ACVR1B: variants seen among roughly 807,000 people sequenced by gnomAD.
ACVR1B encodes the protein activin receptor type-1B.
ACVR1B carries 15 observed loss-of-function variants against 55.6 expected under a neutral mutation model. That is an observed-to-expected ratio of 0.27 (90% confidence interval 0.18 to 0.42). The LOEUF (loss-of-function observed/expected upper bound fraction) is 0.42, where lower values mean the gene tolerates loss of function less well. Ranked by LOEUF, ACVR1B falls within the 10% of genes least tolerant of loss-of-function variation. The pLI, the probability that ACVR1B is intolerant of heterozygous loss-of-function variation, is 1.00. For synonymous variants in ACVR1B, 247 were observed against 254.6 expected (o/e 0.97, Z 0.28); for missense variants, 359 against 670.1 (o/e 0.54, Z 5.13).
intron 1 of ACVR1B, among the ~76,000 whole-genome samples, chr12:51,962,063 TCTAA>T (rs779183525): frequency 3.9e-5 from 6 of 152,360 alleles, no homozygotes; most frequent in African/African-American, 7.2e-5. Context: ...GCTTTCATTC[TCTAA>T]CTGAGACTTA....
intron 6 of ACVR1B, among the ~76,000 whole-genome samples, chr12:51,985,789 G>A (rs1942064767): frequency 6.6e-6 from 1 of 152,164 alleles, no homozygotes; most frequent in Non-Finnish European, 1.5e-5. Flanking sequence ...GAGATTTGGG[G>A]CACCCTTCAA....
intron 8 of ACVR1B, among the ~76,000 whole-genome samples, chr12:51,993,771 A>C (rs1186816258): frequency 9.5e-4 from 24 of 25,146 alleles, no homozygotes; most frequent in South Asian, 2.3e-3. Flanking sequence ...CTTCTAAAAA[A>C]AAAAAAAAAA....
At chr12:51,956,014 C>G (rs991389314) in intron 1 of ACVR1B, among the ~76,000 whole-genome samples, 9 of 152,220 alleles carry the variant, frequency 5.9e-5, no homozygotes, top group Non-Finnish European at 1.0e-4. Context: ...CATGTCTGCT[C>G]TCTCTCCTCT....
intron 1 of ACVR1B, among the ~76,000 whole-genome samples, chr12:51,952,357 C>T (rs1941316439): frequency 6.6e-6 from 1 of 152,148 alleles, no homozygotes; most frequent in African/African-American, 2.4e-5. Flanking sequence ...CTAACCTTTC[C>T]TTCAGGTCCT....
In ACVR1B at chr12:51,986,907, T is replaced by C; in HGVS notation, c.1226T>C (p.Val409Ala). The C allele has an allele frequency of 6.2e-7, 1 of 1,614,234 alleles. No individual in the cohort carries two copies. The highest frequency in any genetic ancestry group is 1.1e-5 in the South Asian group (1 of 91,088). Residue 409 changes from valine to alanine, a missense_variant, in exon 7 of 9, where the codon GTA (valine) becomes GCA (alanine). By Grantham distance (64) the Val-to-Ala change is moderately conservative. Transcript: ENST00000257963. ...GCTGATATTTATGCCCTCGGGCTTG[T>C]ATATTGGGAGATTGCTCGAAGATGC... ...KCADIYALGL[V>A]YWEIARRCNS...
chr12:51,976,593 G>A lies in ACVR1B; in HGVS notation c.580+18G>A, dbSNP rs778562629. ...TGGCTCAGGTACCAAGTTCTTCAGGGCATCATGTCTGTGGTTGGCTTTCAT... is the reference window on the plus strand; with the variant it reads ...TGGCTCAGGTACCAAGTTCTTCAGGACATCATGTCTGTGGTTGGCTTTCAT... On this transcript the variant is annotated intron_variant, in intron 3 of 8. Transcript: ENST00000257963. 3 of 1,611,092 alleles carry A rather than the reference G, an allele frequency of 1.9e-6. No individual in the cohort carries two copies. Among genetic ancestry groups the A allele is most frequent in the East Asian group, 2.2e-5 (1 of 44,852 alleles).
chr12:51,984,298 A>T (rs1942037793), intron 5 of ACVR1B, 132 bp downstream of exon 5: 1 of 1,097,390 alleles, frequency 9.1e-7, no homozygotes, highest in South Asian at 1.6e-5. Context: ...TTTAATTTAA[A>T]GGAAAGGAGG....
At chr12:51,988,146 C>G (rs1211179785) in intron 7 of ACVR1B, among the ~76,000 whole-genome samples, 1 of 152,136 alleles carries the variant, frequency 6.6e-6, no homozygotes, top group Admixed American at 6.6e-5. Flanking sequence ...GGAATTGTAC[C>G]TCTTAAATTT....
At position 51,986,821 on chromosome 12, in the gene ACVR1B, C is replaced by T; in HGVS notation, c.1140C>T (p.Tyr380=). The stretch of plus-strand genomic sequence containing the variant: ...CATGTTTGTTTTGCTATTGCAGATA[C>T]ATGGCCCCTGAAGTACTTGATGAAA... ...APNQRVGTKR[Y]MAPEVLDETI... The change falls in exon 7 of 9, where the codon TAC becomes TAT. Residue 380 remains tyrosine, a synonymous_variant. Transcript: ENST00000257963. 2.0e-5 allele frequency: 33 copies of T among 1,609,774 alleles called. No homozygotes were observed. Among genetic ancestry groups the T allele is most frequent in the Non-Finnish European group, 2.8e-5 (33 of 1,177,048 alleles).
intron 1 of ACVR1B, among the ~76,000 whole-genome samples, chr12:51,966,823 T>TTA (rs1941650319): frequency 2.0e-5 from 3 of 152,222 alleles, no homozygotes; most frequent in Admixed American, 6.5e-5. Context: ...GGATATTTGA[T>TTA]TATATTAAGG....
At chr12:51,987,765 A>T (rs1942109638) in intron 7 of ACVR1B, 1 of 152,638 alleles carries the variant, frequency 6.6e-6, no homozygotes, top group Non-Finnish European at 1.5e-5. Context: ...CATATTTTTT[A>T]AAGACCTAGT....
chr12:51,981,869 A>G (rs1450529691), intron 4 of ACVR1B, among the ~76,000 whole-genome samples: 2 of 152,150 alleles, frequency 1.3e-5, no homozygotes, highest in Admixed American at 6.5e-5. Context: ...AAAGAAAAAA[A>G]AAATCCCTAG....
chr12:51,986,038 T>C (rs911402483), intron 6 of ACVR1B, among the ~76,000 whole-genome samples: 3 of 152,170 alleles, frequency 2.0e-5, no homozygotes, highest in African/African-American at 7.2e-5. Flanking sequence ...AGGGTGCCGC[T>C]GACCACCTCT....
Position 51,956,838 on chromosome 12 carries a change from C to T in ACVR1B, c.91+5004C>T, listed in dbSNP as rs1238383412. Among the ~76,000 whole-genome samples, 4 of 152,028 alleles carry T rather than the reference C, an allele frequency of 2.6e-5. No homozygotes were observed. In the South Asian group the frequency reaches 8.3e-4, roughly 31 times the overall value. On this transcript the variant is annotated intron_variant, in intron 1 of 8. Transcript: ENST00000257963. ...TCCAGTGACATGATCTCACTCACTG[C>T]AGTTTCTGCCTCCCAGGCTCAAGCA... is the stretch of plus-strand genomic sequence containing the variant.
At position 51,996,405 on chromosome 12, in the gene ACVR1B, G is replaced by A. The variant is rs998823478; in HGVS notation, c.*2295G>A. 6.6e-6 allele frequency: 1 copy of A among 152,610 alleles called. No individual in the cohort carries two copies. Among genetic ancestry groups the A allele is most frequent in the Non-Finnish European group, 1.5e-5 (1 of 68,044 alleles). 9.5% of individuals were successfully genotyped at this position (152,610 alleles called of 1,614,324 possible). A position where few individuals can be genotyped will look rare whatever the true frequency, so the allele number is the denominator to read the frequency against. ...TTATTGCTTCTTTCCTTGCATTAAA[G>A]GAGATCTTCCCCTAACCTTTGGGCC... On this transcript the variant is annotated 3_prime_UTR_variant, in exon 9 of 9. Coordinates refer to ENST00000257963, the MANE Select transcript of ACVR1B (RefSeq NM_004302.5).
intron 1 of ACVR1B, chr12:51,953,233 A>T: frequency 2.3e-6 from 1 of 441,264 alleles, no homozygotes. Context: ...AATGATTCTC[A>T]GGTGGGTTCA....
intron 1 of ACVR1B, among the ~76,000 whole-genome samples, chr12:51,962,112 G>A (rs1279033369): frequency 2.6e-5 from 4 of 152,130 alleles, no homozygotes; most frequent in Non-Finnish European, 5.9e-5. Flanking sequence ...TCTAGGGCTG[G>A]GTTTGTCTCC....
chr12:51,959,432 G>C (rs1941475429), intron 1 of ACVR1B, among the ~76,000 whole-genome samples: 1 of 152,230 alleles, frequency 6.6e-6, no homozygotes, highest in South Asian at 2.1e-4. Flanking sequence ...CTGACAGCTA[G>C]GAGGAACATG....
At chr12:51,980,906 G>A (rs1244478854) in intron 3 of ACVR1B, 63 bp from the exon 4 acceptor site, 16 of 1,421,346 alleles carry the variant, frequency 1.1e-5, no homozygotes, top group Non-Finnish European at 1.4e-5. Flanking sequence ...GCCAATTAGT[G>A]TGGGAGTTGG....
Sources: gnomAD v4.1 joint callset for allele counts (sites outside exome capture counted in the v4.1 genomes callset) on GRCh38, gnomAD v4.1.1 for gene constraint, MANE v1.5 for transcripts, NCBI Gene and HGNC (gene_info 2026-07-23, HGNC 2026-07-21) for gene names.